Variants in OPN3 observed in about 807,000 individuals in gnomAD.
OPN3 encodes the protein opsin-3.
OPN3 carries 29 observed loss-of-function variants against 33.8 expected under a neutral mutation model. The observed-to-expected ratio is 0.86, with a 90% CI of 0.64 to 1.17. OPN3 has a LOEUF of 1.17. OPN3 is among the 50% of genes most tolerant of loss of function. OPN3 has a pLI of 0.00. For missense variants in OPN3, 437 were observed against 514.1 expected (o/e 0.85, Z 1.45); for synonymous variants, 216 against 216.1 (o/e 1.00, Z 0.00).
chr1:241,631,624 G>C (rs575466991), intron 1 of OPN3: 1 of 152,008 alleles, frequency 6.6e-6, no homozygotes, highest in Admixed American at 6.6e-5. Context: ...AGTGTATTCC[G>C]AACAAATTTT....
At chr1:241,630,498 C>CT (rs993460469) in intron 1 of OPN3, 1 of 151,968 alleles carries the variant, frequency 6.6e-6, no homozygotes, top group Non-Finnish European at 1.5e-5. Flanking sequence ...TTGAATTAGT[C>CT]TTTGTTAGTA....
At chr1:241,636,020 T>C (rs1347604847) in intron 1 of OPN3, 1 of 484,856 alleles carries the variant, frequency 2.1e-6, no homozygotes, top group Non-Finnish European at 3.6e-6. Context: ...GCATTTCATC[T>C]TAGCAGTAAA....
intron 1 of OPN3, among the ~76,000 whole-genome samples, chr1:241,625,807 G>A (rs1366479644): frequency 1.3e-5 from 2 of 152,172 alleles, no homozygotes; most frequent in Non-Finnish European, 2.9e-5. Flanking sequence ...CTCTAGTGCA[G>A]TTTTTCTCAA....
chr1:241,632,319 A>G (rs139825350), intron 1 of OPN3: 3,394 of 152,316 alleles, frequency 0.022, 53 homozygotes, highest in South Asian at 0.037. Context: ...ACAAATTACC[A>G]TCTCAGGTGT....
At chr1:241,600,217 G>T (rs1464227141) in intron 2 of OPN3, among the ~76,000 whole-genome samples, 1 of 152,206 alleles carries the variant, frequency 6.6e-6, no homozygotes, top group Non-Finnish European at 1.5e-5. Context: ...GGGATAAGGA[G>T]AAGATATTGA....
chr1:241,640,131 C>G lies in OPN3; in HGVS notation c.124G>C (p.Glu42Gln). The change falls in exon 1 of 4, where the codon GAG becomes CAG. Residue 42 changes from glutamate to glutamine, a missense_variant. Coordinates refer to ENST00000366554, the MANE Select transcript of OPN3 (RefSeq NM_014322.3). ...PAPLFSPGTY[E>Q]RLALLLGSIG... The stretch of plus-strand genomic sequence containing the variant: ...GAGCCCAGCAGCAGCGCCAGGCGCT[C>G]GTAGGTGCCGGGGCTGAAGAGGGGC... The G allele has an allele frequency of 6.3e-7, 1 of 1,591,124 alleles. No homozygotes were observed. Among genetic ancestry groups the G allele is most frequent in the South Asian group, 1.1e-5 (1 of 88,724 alleles).
At chr1:241,620,125 G>C (rs1664236827) in intron 1 of OPN3, among the ~76,000 whole-genome samples, 1 of 152,094 alleles carries the variant, frequency 6.6e-6, no homozygotes, top group Non-Finnish European at 1.5e-5. Context: ...TTAAATAAAG[G>C]GGAGGGACTG....
rs966848239 is a variant in OPN3, at chr1:241,607,682, GAGAA to G, written c.374-3107_374-3104del. On this transcript the variant is annotated intron_variant, in intron 1 of 3. Transcript: ENST00000366554. ...AGAAAGAAAGAAAAAGGAAGAAAGA[GAGAA>G]AGGAGGGAAGGAAGGAAGGAAGAGA... 9.0e-5 allele frequency among the ~76,000 whole-genome samples: 13 copies of G among 144,728 alleles called. No individual in the cohort carries two copies. The South Asian group carries it at 1.5e-3, about 17-fold the overall frequency. 94.9% of individuals were successfully genotyped at this position (144,728 alleles called of 152,430 possible). A position where few individuals can be genotyped will look rare whatever the true frequency, so the allele number is the denominator to read the frequency against.
chr1:241,638,050 A>G (rs1245960977), intron 1 of OPN3, among the ~76,000 whole-genome samples: 3 of 152,190 alleles, frequency 2.0e-5, no homozygotes, highest in Non-Finnish European at 4.4e-5. Flanking sequence ...TCTTCGCTAA[A>G]AACTTTTTAA....
chr1:241,593,529 G>T lies in OPN3; in HGVS notation c.*899C>A. On this transcript the variant is annotated 3_prime_UTR_variant, in exon 4 of 4. Transcript: ENST00000366554. ...TCTAATAATCCATGTTCAGTTTGTA[G>T]GGAAAGAAAAAATAATTTTTCCTTC... is the stretch of plus-strand genomic sequence containing the variant. The T allele has an allele frequency of 3.9e-6, 1 of 259,080 alleles. No individual in the cohort carries two copies. The highest frequency in any genetic ancestry group is 8.8e-6 in the Non-Finnish European group (1 of 113,708). The allele number at this position is 259,080 out of a possible 1,614,324, so 16.0% of individuals were successfully genotyped here. A position where few individuals can be genotyped will look rare whatever the true frequency, so the allele number is the denominator to read the frequency against.
intron 1 of OPN3, among the ~76,000 whole-genome samples, chr1:241,621,523 G>A (rs1450633916): frequency 3.3e-5 from 5 of 152,188 alleles, no homozygotes; most frequent in Non-Finnish European, 7.3e-5. Flanking sequence ...TAGAATGAGG[G>A]AGTAATGCCT....
At chr1:241,611,081 C>T (rs1193352304) in intron 1 of OPN3, among the ~76,000 whole-genome samples, 1 of 152,084 alleles carries the variant, frequency 6.6e-6, no homozygotes, top group Non-Finnish European at 1.5e-5. Flanking sequence ...GTGGACAGGG[C>T]TCTGGAGGTT....
At chr1:241,606,177 A>G (rs565909498) in intron 1 of OPN3, among the ~76,000 whole-genome samples, 9 of 152,352 alleles carry the variant, frequency 5.9e-5, no homozygotes, top group African/African-American at 2.2e-4. Context: ...AGAAACATTT[A>G]GCAACTGGTA....
chr1:241,595,830 C>T (rs1456477580), intron 3 of OPN3, among the ~76,000 whole-genome samples: 1 of 152,170 alleles, frequency 6.6e-6, no homozygotes, highest in Non-Finnish European at 1.5e-5. Context: ...AGACTTTATT[C>T]ACTAAACCAT....
chr1:241,597,648 T>C, intron 3 of OPN3, 98 bp downstream of exon 3: 1 of 1,202,778 alleles, frequency 8.3e-7, no homozygotes, highest in Non-Finnish European at 1.1e-6. Flanking sequence ...GTTTTTTTTT[T>C]AATTGAAGCG....
chr1:241,614,919 T>C (rs1664086098), intron 1 of OPN3, among the ~76,000 whole-genome samples: 1 of 152,230 alleles, frequency 6.6e-6, no homozygotes, highest in Admixed American at 6.5e-5. Context: ...AGTAATTGCT[T>C]AAACTCCACA....
At chr1:241,597,660 C>A in intron 3 of OPN3, 86 bp downstream of exon 3, 1 of 1,282,346 alleles carries the variant, frequency 7.8e-7, no homozygotes, top group Non-Finnish European at 1.0e-6. Context: ...ATTGAAGCGA[C>A]TCTGAATCAC....
In OPN3 at chr1:241,593,338, T is replaced by C; in HGVS notation, c.*1090A>G. The C allele has an allele frequency of 4.7e-6, 2 of 429,390 alleles. No homozygotes were observed. Among genetic ancestry groups the C allele is most frequent in the Non-Finnish European group, 1.0e-5 (2 of 197,574 alleles). The allele number at this position is 429,390 out of a possible 1,614,324, so 26.6% of individuals were successfully genotyped here. A position where few individuals can be genotyped will look rare whatever the true frequency, so the allele number is the denominator to read the frequency against. On this transcript the variant is annotated 3_prime_UTR_variant, in exon 4 of 4. Coordinates refer to ENST00000366554, the MANE Select transcript of OPN3 (RefSeq NM_014322.3). ...TTAAAAGCACATTTAGTGAAATGTT[T>C]TCTTTGGTTCATCCTTCTTTAACAG...
chr1:241,614,751 G>C (rs1444910380), intron 1 of OPN3, among the ~76,000 whole-genome samples: 14 of 151,906 alleles, frequency 9.2e-5, no homozygotes, highest in Admixed American at 9.2e-4. Flanking sequence ...CATTCGGACA[G>C]ATATCCTAGC....
Sources: gnomAD v4.1 joint callset for allele counts (sites outside exome capture counted in the v4.1 genomes callset) on GRCh38, gnomAD v4.1.1 for gene constraint, MANE v1.5 for transcripts, NCBI Gene and HGNC (gene_info 2026-07-23, HGNC 2026-07-21) for gene names.